The following PRIM2 variants were observed in gnomAD, a reference collection of about 807,000 sequenced individuals.
PRIM2 encodes the protein DNA primase subunit 2.
A neutral mutation model predicts 67.3 loss-of-function variants in PRIM2; 39 were observed. The observed-to-expected ratio is 0.58, with a 90% CI of 0.45 to 0.76. The LOEUF (loss-of-function observed/expected upper bound fraction) is 0.76, where lower values mean the gene tolerates loss of function less well. Among genes scored for constraint, PRIM2 ranks in the 30% least tolerant of loss-of-function variants. The probability of loss-of-function intolerance (pLI) is 0.00; values close to 1 mark genes in which losing one functional copy is unlikely to be tolerated. For missense variants in PRIM2, 398 were observed against 598.7 expected, an observed-to-expected ratio of 0.66 and a Z score of 3.50; for synonymous variants, 143 against 198.7, an observed-to-expected ratio of 0.72 and a Z score of 2.36.
At chr6:57,283,319 TG>T in the PRIM2 span, among the ~76,000 whole-genome samples, 10 of 152,304 alleles carry the variant, frequency 6.6e-5, no homozygotes, top group African/African-American at 1.9e-4. Context: ...CATGCCTTCT[TG>T]TTGACCTCTT....
chr6:57,361,629 T>C (rs1769204116), intron 5 of PRIM2, among the ~76,000 whole-genome samples: 1 of 150,620 alleles, frequency 6.6e-6, no homozygotes, highest in East Asian at 1.9e-4. Context: ...TCTATGCAAA[T>C]GTGTCTTTTA....
intron 7 of PRIM2, among the ~76,000 whole-genome samples, chr6:57,484,774 A>G (rs1773715919): frequency 1.3e-5 from 2 of 152,020 alleles, no homozygotes; most frequent in African/African-American, 4.8e-5. Context: ...TGTTTCCTCA[A>G]GTGTCTCCTT....
At chr6:57,461,251 C>G (rs1772993963) in intron 7 of PRIM2, among the ~76,000 whole-genome samples, 1 of 152,182 alleles carries the variant, frequency 6.6e-6, no homozygotes, top group Non-Finnish European at 1.5e-5. Context: ...AAGATGAGCA[C>G]TGTTACTGGC....
At chr6:57,398,397 T>C (rs991337448) in intron 7 of PRIM2, among the ~76,000 whole-genome samples, 1 of 152,294 alleles carries the variant, frequency 6.6e-6, no homozygotes, top group South Asian at 2.1e-4. Context: ...CTGCCTTAAT[T>C]TCATTTTTTA....
chr6:57,398,190 C>T (rs1770588969), intron 7 of PRIM2, among the ~76,000 whole-genome samples: 1 of 152,010 alleles, frequency 6.6e-6, no homozygotes, highest in African/African-American at 2.4e-5. Flanking sequence ...GATCTCTTGA[C>T]CTCATGATCT....
intron 5 of PRIM2, among the ~76,000 whole-genome samples, chr6:57,337,383 C>A (rs962508329): frequency 2.0e-5 from 3 of 151,884 alleles, no homozygotes; most frequent in Non-Finnish European, 4.4e-5. Flanking sequence ...ACAGAACTCT[C>A]CACCCCAAAT....
At position 57,532,374 on chromosome 6, in the gene PRIM2, T is replaced by A. The variant is rs1418782252; in HGVS notation, c.762-37T>A. 2.4e-5 allele frequency: 23 copies of A among 940,942 alleles called. No homozygotes were observed. The African/African-American group carries it at 3.9e-4, about 16-fold the overall frequency. 58.3% of individuals were successfully genotyped at this position (940,942 alleles called of 1,614,324 possible). On this transcript the variant is annotated intron_variant, in intron 8 of 13. Transcript: ENST00000615550. ...CTTCGAAGGGATCAAAAGTATTTTA[T>A]GAATCTGTTTTAATATTTTTTTTTC...
rs1255962438 is a variant in PRIM2, at chr6:57,616,093, GC to G, written c.1230+9637del. Among the ~76,000 whole-genome samples, 115 of 152,156 alleles carry G rather than the reference GC, an allele frequency of 7.6e-4. 1 individual carries two copies. Among genetic ancestry groups the G allele is most frequent in the Non-Finnish European group, 7.9e-4 (54 of 68,036 alleles). On this transcript the variant is annotated intron_variant, in intron 12 of 13. Coordinates refer to ENST00000615550, the MANE Select transcript of PRIM2 (RefSeq NM_000947.5). The stretch of plus-strand genomic sequence containing the variant: ...ACATCTTTTATTGTAATCTCTGAAT[GC>G]TATTACTCCTTAATAGTTTTTCTTT...
Position 57,340,309 on chromosome 6 carries a change from G to A in PRIM2, c.459+14264G>A, listed in dbSNP as rs1206955674. ...GGAAGTCAGTGTGGCGATTCCTCAG[G>A]GATCTAGAACTAGAAGTACCATTTG... On this transcript the variant is annotated intron_variant, in intron 5 of 13. Transcript: ENST00000615550. Among the ~76,000 whole-genome samples the A allele has an allele frequency of 7.9e-5, 12 of 152,226 alleles. No individual in the cohort carries two copies. In the East Asian group the frequency reaches 2.3e-3, roughly 29 times the overall value.
chr6:57,497,058 A>G (rs1455208254), intron 7 of PRIM2, among the ~76,000 whole-genome samples: 1 of 152,240 alleles, frequency 6.6e-6, no homozygotes, highest in East Asian at 1.9e-4. Context: ...AAACCATAGG[A>G]TAACAATGGC....
At chr6:57,468,484 T>G (rs1405514983) in intron 7 of PRIM2, among the ~76,000 whole-genome samples, 27 of 152,174 alleles carry the variant, frequency 1.8e-4, no homozygotes, top group Non-Finnish European at 3.1e-4. Context: ...GAAGCCAAGT[T>G]TATTGTGCTG....
chr6:57,300,984 T>C, the PRIM2 span, among the ~76,000 whole-genome samples: 11 of 152,218 alleles, frequency 7.2e-5, no homozygotes, highest in African/African-American at 2.7e-4. Context: ...GGGCTATTTA[T>C]TTATTTTTGC....
the PRIM2 span, among the ~76,000 whole-genome samples, chr6:57,251,938 T>C: frequency 6.6e-6 from 1 of 152,184 alleles, no homozygotes; most frequent in African/African-American, 2.4e-5. Context: ...TATTCTCAAG[T>C]TCTGAATTCC....
intron 7 of PRIM2, among the ~76,000 whole-genome samples, chr6:57,492,402 G>A (rs1773915962): frequency 6.6e-6 from 1 of 151,922 alleles, no homozygotes; most frequent in African/African-American, 2.4e-5. Context: ...AATTAGCAGG[G>A]CATGGTGGTG....
chr6:57,639,620 A>AATAAG (rs1242580931), intron 13 of PRIM2, among the ~76,000 whole-genome samples: 1 of 78,658 alleles, frequency 1.3e-5, no homozygotes, highest in Non-Finnish European at 2.5e-5. Flanking sequence ...AATACTGTAA[A>AATAAG]CTAGAAAGTT....
chr6:57,522,153 A>C (rs1353768038), intron 8 of PRIM2, among the ~76,000 whole-genome samples: 3 of 152,136 alleles, frequency 2.0e-5, no homozygotes, highest in Non-Finnish European at 4.4e-5. Context: ...CTTAAATATA[A>C]AAACTTGATT....
intron 7 of PRIM2, among the ~76,000 whole-genome samples, chr6:57,430,716 C>T (rs1771798350): frequency 1.3e-5 from 2 of 152,022 alleles, no homozygotes; most frequent in Non-Finnish European, 2.9e-5. Flanking sequence ...CCACCTTGGC[C>T]TCCCGAAGTG....
the PRIM2 span, among the ~76,000 whole-genome samples, chr6:57,289,022 G>A: frequency 1.3e-5 from 2 of 152,192 alleles, no homozygotes; most frequent in African/African-American, 4.8e-5. Flanking sequence ...AAAGGAGCAT[G>A]TTCTAACCCA....
chr6:57,544,995 A>T (rs1180947950), intron 10 of PRIM2, among the ~76,000 whole-genome samples: 7 of 152,204 alleles, frequency 4.6e-5, no homozygotes, highest in Non-Finnish European at 8.8e-5. Flanking sequence ...AATAATCTTT[A>T]TCTGTTTTGG....
Sources: allele counts gnomAD v4.1 joint callset (sites outside exome capture counted in the v4.1 genomes callset), GRCh38; gene constraint gnomAD v4.1.1; transcripts MANE v1.5; gene names NCBI Gene and HGNC (gene_info 2026-07-23, HGNC 2026-07-21).